GOLGA3: variants seen among roughly 807,000 people sequenced by gnomAD.
The protein encoded by GOLGA3 is golgin subfamily A member 3.
In GOLGA3, 75 loss-of-function variants were observed where a neutral mutation model predicts 169.4. That is an observed-to-expected ratio of 0.44 (90% CI 0.37 to 0.54). The LOEUF (loss-of-function observed/expected upper bound fraction) is 0.54, where lower values mean the gene tolerates loss of function less well. Ranked by LOEUF, GOLGA3 falls within the 20% of genes least tolerant of loss-of-function variation. GOLGA3 has a pLI of 0.00. For synonymous variants in GOLGA3, 824 were observed against 822.4 expected (o/e 1.00, Z -0.03); for missense variants, 1,899 against 1,930.0 (o/e 0.98, Z 0.30).
At chr12:132,779,908 G>A (rs1422936961) in intron 18 of GOLGA3, among the ~76,000 whole-genome samples, 6 of 116,596 alleles carry the variant, frequency 5.1e-5, no homozygotes, top group South Asian at 5.7e-4. Context: ...ACTCTTGCAC[G>A]CACAGCCCCC....
rs118103768 is a variant in GOLGA3, at chr12:132,807,930, T to C, written c.1139A>G (p.Asn380Ser). 34,081 of 1,511,698 alleles carry C rather than the reference T, an allele frequency of 0.023. 424 individuals are homozygous for C. The highest frequency in any genetic ancestry group is 0.026 in the Non-Finnish European group (28,555 of 1,116,326). The allele number at this position is 1,511,698 out of a possible 1,614,324, so 93.6% of individuals were successfully genotyped here. ...AEHQDQGQEV[N>S]GEVRSRRDSI... ...GTCTCTCCGACTCCGCACCTCCCCG[T>C]TGACCTCCTGCCCCTGGTCTTGGTG... The change falls in exon 5 of 24, where the codon AAC (asparagine) becomes AGC (serine). Residue 380 changes from asparagine (N) to serine (S), a missense_variant. Coordinates refer to ENST00000450791, the MANE Select transcript of GOLGA3 (RefSeq NM_001389683.1).
At chr12:132,775,017 A>G (rs773089776) in intron 22 of GOLGA3, 124 bp downstream of exon 22, 1 of 721,224 alleles carries the variant, frequency 1.4e-6, no homozygotes, top group Non-Finnish European at 2.3e-6. Flanking sequence ...ACTACACAGC[A>G]GCTGCTCAGT....
At chr12:132,791,032 CAGAG>C (rs1356674873) in intron 12 of GOLGA3, among the ~76,000 whole-genome samples, 180 bp downstream of exon 12, 1 of 104,078 alleles carries the variant, frequency 9.6e-6, no homozygotes. Context: ...GCCTGGCTGA[CAGAG>C]AGAGACTCCG....
At chr12:132,794,816 T>G (rs947833174) in intron 11 of GOLGA3, among the ~76,000 whole-genome samples, 2 of 152,154 alleles carry the variant, frequency 1.3e-5, no homozygotes, top group South Asian at 4.1e-4. Context: ...TTAGTACAGG[T>G]CAGTGTTTGT....
chr12:132,820,407 C>G (rs1205666311), intron 2 of GOLGA3, among the ~76,000 whole-genome samples: 2 of 152,182 alleles, frequency 1.3e-5, no homozygotes, highest in Non-Finnish European at 2.9e-5. Flanking sequence ...GCGTCTTGCT[C>G]GAGGGCACAT....
chr12:132,821,861 A>T (rs1430365580), intron 2 of GOLGA3, 135 bp downstream of exon 2: 10 of 614,072 alleles, frequency 1.6e-5, no homozygotes, highest in Non-Finnish European at 2.5e-5. Context: ...CTCAAAAAAA[A>T]AAAAAAAAAA....
chr12:132,821,966 A>G, intron 2 of GOLGA3, 30 bp downstream of exon 2: 1 of 1,505,202 alleles, frequency 6.6e-7, no homozygotes, highest in Non-Finnish European at 9.0e-7. Flanking sequence ...TCCTCCTGTG[A>G]CCAGCACACA....
chr12:132,805,577 C>G (rs955491876), intron 6 of GOLGA3, among the ~76,000 whole-genome samples: 1 of 107,452 alleles, frequency 9.3e-6, no homozygotes, highest in Admixed American at 9.2e-5. Flanking sequence ...CAAGGCCTGA[C>G]AGGGGACCCC....
chr12:132,776,737 T>C lies in GOLGA3; in HGVS notation c.3875A>G (p.Glu1292Gly). Residue 1292 changes from glutamate to glycine, a missense_variant, in exon 21 of 24, where the codon GAG (glutamate) becomes GGG (glycine). Physicochemically the swap from Glu to Gly is moderately conservative, Grantham distance 98 (BLOSUM62 -2). Coordinates refer to ENST00000450791, the MANE Select transcript of GOLGA3 (RefSeq NM_001389683.1). ...GATTTCTCTTTCTTTCTGATCCACC[T>C]CCCATTTGAGATTTTCCATCTAAAG... ...GNQEMENLKW[E>G]VDQKEREIQS... The C allele has an allele frequency of 6.2e-7, 1 of 1,614,036 alleles. No homozygotes were observed. The highest frequency in any genetic ancestry group is 8.5e-7 in the Non-Finnish European group (1 of 1,179,994).
rs767256675 is a variant in GOLGA3, at chr12:132,786,500, C to A, written c.2962G>T (p.Ala988Ser). 1 of 1,613,644 alleles carries A rather than the reference C, an allele frequency of 6.2e-7. No individual in the cohort carries two copies. The change falls in exon 15 of 24, where the codon GCC becomes TCC. Residue 988 changes from alanine to serine, a missense_variant. Ala to Ser is a moderately conservative substitution (Grantham distance 99, BLOSUM62 1). Coordinates refer to ENST00000450791, the MANE Select transcript of GOLGA3 (RefSeq NM_001389683.1). ...TGTTTGGTCTTCATCTCCTTCTGGG[C>A]GCTGGTCAAGTCTGAGCCCAGCCGC... ...MRRLGSDLTS[A>S]QKEMKTKHKA...
intron 11 of GOLGA3, among the ~76,000 whole-genome samples, chr12:132,794,162 A>G (rs976733321): frequency 1.3e-5 from 2 of 152,106 alleles, no homozygotes; most frequent in Non-Finnish European, 2.9e-5. Context: ...ACAGGGAGCC[A>G]TGGTCAGAGA....
At position 132,777,515 on chromosome 12, in the gene GOLGA3, G is replaced by A. The variant is rs1026269654; in HGVS notation, c.3722+151C>T. 18 of 786,006 alleles carry A rather than the reference G, an allele frequency of 2.3e-5. No individual in the cohort carries two copies. Among genetic ancestry groups the A allele is most frequent in the African/African-American group, 1.4e-4 (8 of 57,638 alleles). 48.7% of individuals were successfully genotyped at this position (786,006 alleles called of 1,614,324 possible). On this transcript the variant is annotated intron_variant, in intron 19 of 23. Coordinates refer to ENST00000450791, the MANE Select transcript of GOLGA3 (RefSeq NM_001389683.1). This position sits in a 1 kb window ranked among gnomAD's most constrained non-coding sequence, Gnocchi z 4.7. ...GAGTGAGGCTCAGGATTCTGGAGAC[G>A]GAGGCTGGGTGCCTTCTACTCCTAT... is the stretch of plus-strand genomic sequence containing the variant.
chr12:132,811,490 T>TTTTTTG (rs1949705985), intron 4 of GOLGA3, among the ~76,000 whole-genome samples: 1 of 152,178 alleles, frequency 6.6e-6, no homozygotes. Flanking sequence ...TTATTTTTTT[T>TTTTTTG]TTGAGATGGA....
At chr12:132,820,734 CGT>C (rs1368156313) in intron 2 of GOLGA3, among the ~76,000 whole-genome samples, 1 of 152,130 alleles carries the variant, frequency 6.6e-6, no homozygotes, top group African/African-American at 2.4e-5. Context: ...CACTGTGCTC[CGT>C]AATCCTTAGA....
chr12:132,794,748 T>TC (rs1381576107), intron 11 of GOLGA3, among the ~76,000 whole-genome samples: 2 of 152,204 alleles, frequency 1.3e-5, no homozygotes, highest in African/African-American at 2.4e-5. Flanking sequence ...CTAAATTTAC[T>TC]CCCCCAACAC....
At chr12:132,811,382 CTTAT>C (rs1420601662) in intron 4 of GOLGA3, among the ~76,000 whole-genome samples, 1 of 152,206 alleles carries the variant, frequency 6.6e-6, no homozygotes, top group Non-Finnish European at 1.5e-5. Context: ...GCCATTCTAA[CTTAT>C]TTCTCAGTTT....
At chr12:132,796,755 AGCCG>A in intron 9 of GOLGA3, 55 bp from the exon 10 acceptor site, 1 of 1,553,742 alleles carries the variant, frequency 6.4e-7, no homozygotes, top group Non-Finnish European at 8.8e-7. Context: ...AGTGAACAGC[AGCCG>A]GTGGCCCCGT....
chr12:132,812,776 T>C (rs566220464), intron 4 of GOLGA3, among the ~76,000 whole-genome samples: 1 of 152,222 alleles, frequency 6.6e-6, no homozygotes, highest in Non-Finnish European at 1.5e-5. Context: ...TAAGATATGG[T>C]AAACTTTAGT....
intron 18 of GOLGA3, among the ~76,000 whole-genome samples, chr12:132,778,800 C>G (rs914255810): frequency 4.6e-5 from 7 of 150,700 alleles, no homozygotes; most frequent in Admixed American, 4.0e-4. Context: ...GAGGCTGAGG[C>G]AGGAGAATCA....
Sources: allele counts gnomAD v4.1 joint callset (sites outside exome capture counted in the v4.1 genomes callset), GRCh38; gene constraint gnomAD v4.1.1; non-coding constraint Gnocchi (gnomAD v3.1); transcripts MANE v1.5; gene names NCBI Gene and HGNC (gene_info 2026-07-23, HGNC 2026-07-21).